LAMC3: variants seen among roughly 807,000 people sequenced by gnomAD.
LAMC3 encodes the protein laminin subunit gamma 3.
In LAMC3, 128 loss-of-function variants were observed where a neutral mutation model predicts 173.8. The ratio of observed to expected loss-of-function variants is 0.74; its 90% confidence interval spans 0.64 to 0.85. LAMC3 has a LOEUF of 0.85. Ranked by LOEUF, LAMC3 falls within the 40% of genes least tolerant of loss-of-function variation. LAMC3 has a pLI of 0.00. For missense variants in LAMC3, 2,022 were observed against 2,156.0 expected (o/e 0.94, Z 1.23); for synonymous variants, 897 against 909.1 (o/e 0.99, Z 0.24).
chr9:131,041,680 C>T lies in LAMC3; in HGVS notation c.1327C>T (p.Pro443Ser). Residue 443 changes from proline (P) to serine (S), a missense_variant, in exon 7 of 28, where the codon CCC (proline) becomes TCC (serine). Physicochemically the swap from Pro to Ser is moderately conservative, Grantham distance 74. Transcript: ENST00000361069. ...NPAGSLDTCD[P>S]RSGRCPCKEN... is the part of the protein sequence containing the mutation. ...CGCTGGCAGCCTGGACACCTGTGAC[C>T]CCCGCAGTGGGCGCTGCCCCTGCAA... 2 of 1,614,132 alleles carry T rather than the reference C, an allele frequency of 1.2e-6. No homozygotes were observed. Among genetic ancestry groups the T allele is most frequent in the East Asian group, 2.2e-5 (1 of 44,878 alleles).
Position 131,032,180 on chromosome 9 carries a change from G to C in LAMC3, c.809+5G>C, listed in dbSNP as rs1479007651. On this transcript the variant is annotated splice_donor_5th_base_variant and intron_variant, in intron 3 of 27. Transcript: ENST00000361069. ...CGACTTCTCTGTGGGCGGCAGGTAG[G>C]AGGGAGGAGGGAGGCAGGGTGGCAG... 6.3e-7 allele frequency: 1 copy of C among 1,586,980 alleles called. No individual in the cohort carries two copies. Among genetic ancestry groups the C allele is most frequent in the Non-Finnish European group, 8.6e-7 (1 of 1,162,314 alleles).
rs543217890 is a variant in LAMC3 at position 131,048,802 on chromosome 9, G to T, written c.1520-218G>T. 5.3e-5 allele frequency among the ~76,000 whole-genome samples: 8 copies of T among 152,254 alleles called. No individual in the cohort carries two copies. The East Asian group carries it at 1.6e-3, about 30-fold the overall frequency. ...CTGATGTCCCAGGGCCCCCATGTGGGGGTCTTCAGGCTGTCTTCATGCTGA... is the reference window on the plus strand; with the variant it reads ...CTGATGTCCCAGGGCCCCCATGTGGTGGTCTTCAGGCTGTCTTCATGCTGA... On this transcript the variant is annotated intron_variant, in intron 8 of 27. Transcript: ENST00000361069.
intron 1 of LAMC3, among the ~76,000 whole-genome samples, chr9:131,024,993 A>G (rs1286624152): frequency 6.6e-6 from 1 of 151,986 alleles, no homozygotes. Flanking sequence ...TAAACATAGG[A>G]GGATGGGGAG....
Position 131,054,930 on chromosome 9 carries a change from AG to A in LAMC3, c.1939+1967del, listed in dbSNP as rs1834373693. On this transcript the variant is annotated intron_variant, in intron 11 of 27. Coordinates refer to ENST00000361069, the MANE Select transcript of LAMC3 (RefSeq NM_006059.4). ...TTTGTCAGCTAACAGTGCGTCGTGGAGGTTGTTCCTTGTCATTACGCGTAGA... is the reference window on the plus strand; with the variant it reads ...TTTGTCAGCTAACAGTGCGTCGTGGAGTTGTTCCTTGTCATTACGCGTAGA... Among the ~76,000 whole-genome samples, 3 of 152,118 alleles carry A rather than the reference AG, an allele frequency of 2.0e-5. No homozygotes were observed. The South Asian group carries it at 6.2e-4, about 32-fold the overall frequency.
chr9:131,041,487 G>T, intron 6 of LAMC3, 150 bp from the exon 7 acceptor site: 1 of 717,998 alleles, frequency 1.4e-6, no homozygotes, highest in Non-Finnish European at 2.5e-6. Flanking sequence ...TCACTTCCTT[G>T]GCAAGATGGG....
intron 7 of LAMC3, among the ~76,000 whole-genome samples, chr9:131,045,246 C>CAACA (rs1554786056): frequency 4.2e-5 from 6 of 144,534 alleles, no homozygotes; most frequent in African/African-American, 1.3e-4. Context: ...ACAACAACAA[C>CAACA]AAAAAAACAA....
At chr9:131,014,583 G>A (rs1833486145) in intron 1 of LAMC3, among the ~76,000 whole-genome samples, 1 of 152,240 alleles carries the variant, frequency 6.6e-6, no homozygotes, top group Admixed American at 6.5e-5. Context: ...GGGAATGCCT[G>A]TTTTCACACC....
chr9:131,072,214 G>A (rs1830048200), intron 18 of LAMC3, among the ~76,000 whole-genome samples: 1 of 152,174 alleles, frequency 6.6e-6, no homozygotes, highest in Non-Finnish European at 1.5e-5. Context: ...ATGTGTAAGT[G>A]CTACACTCCT....
At chr9:131,069,088 T>G (rs1588162411) in intron 16 of LAMC3, 38 bp downstream of exon 16, 1 of 1,610,632 alleles carries the variant, frequency 6.2e-7, no homozygotes, top group Non-Finnish European at 8.5e-7. Context: ...GCCCTGAGGG[T>G]GGGGCCCGAG....
At chr9:131,053,055 C>A in intron 11 of LAMC3, 90 bp downstream of exon 11, 1 of 986,436 alleles carries the variant, frequency 1.0e-6, no homozygotes, top group Non-Finnish European at 1.6e-6. Context: ...CTTGTCAGGG[C>A]CTTGCGGCCG....
In LAMC3 at chr9:131,065,709, G is replaced by T. The variant is rs528382476; in HGVS notation, c.2348-1251G>T. ...TGTGACCCGTGTCTGGCCACTGCCT[G>T]CACTGGCTACACACCACCACACGTG... On this transcript the variant is annotated intron_variant, in intron 13 of 27. Coordinates refer to ENST00000361069, the MANE Select transcript of LAMC3 (RefSeq NM_006059.4). Among the ~76,000 whole-genome samples, 74 of 152,330 alleles carry T rather than the reference G, an allele frequency of 4.9e-4. No individual in the cohort carries two copies. The Middle Eastern group carries it at 0.01, about 21-fold the overall frequency.
intron 8 of LAMC3, among the ~76,000 whole-genome samples, chr9:131,048,725 G>A (rs1347428163): frequency 1.3e-5 from 2 of 152,192 alleles, no homozygotes; most frequent in Non-Finnish European, 2.9e-5. Flanking sequence ...AGGTGAGAAA[G>A]TTCTCTGAGA....
chr9:131,044,158 C>T lies in LAMC3; in HGVS notation c.1383-1366C>T, dbSNP rs143221712. On this transcript the variant is annotated intron_variant, in intron 7 of 27. Transcript: ENST00000361069. ...ATTTTTAGTAGAGATGGGGTTTCAC[C>T]ATGTTGGTCAGGCTGATCTCGAACT... Among the ~76,000 whole-genome samples the T allele has an allele frequency of 3.9e-3, 594 of 151,760 alleles. 4 individuals carry two copies. Among genetic ancestry groups the T allele is most frequent in the African/African-American group, 0.013 (551 of 41,434 alleles).
intron 1 of LAMC3, among the ~76,000 whole-genome samples, chr9:131,015,468 T>C (rs1213731932): frequency 6.6e-6 from 1 of 152,074 alleles, no homozygotes; most frequent in Non-Finnish European, 1.5e-5. Context: ...TGCCCTGGCT[T>C]TGCTTATTTG....
rs1554786016 is a variant in LAMC3, at chr9:131,045,234, A to AACAAC, written c.1383-289_1383-288insCAACA. On this transcript the variant is annotated intron_variant, in intron 7 of 27. Coordinates refer to ENST00000361069, the MANE Select transcript of LAMC3 (RefSeq NM_006059.4). Reference sequence around the variant, plus strand: ...AAGACTCTGTCTCAAAAAAAAAAAAAAACAACAACAACAAAAAAACAAAAC... The same window carrying AACAAC: ...AAGACTCTGTCTCAAAAAAAAAAAAAACAACAACAACAACAACAAAAAAACAAAAC... Among the ~76,000 whole-genome samples, 570 of 90,414 alleles carry AACAAC rather than the reference A, an allele frequency of 6.3e-3. 4 individuals are homozygous for AACAAC. The highest frequency in any genetic ancestry group is 0.019 in the African/African-American group (524 of 27,108). The allele number at this position is 90,414 out of a possible 152,430, so 59.3% of individuals were successfully genotyped here.
chr9:131,055,631 T>C (rs1008670768), intron 11 of LAMC3, among the ~76,000 whole-genome samples: 3 of 151,294 alleles, frequency 2.0e-5, no homozygotes, highest in Non-Finnish European at 4.4e-5. Context: ...TTCACCGTGT[T>C]AGCCAGGATG....
At chr9:131,054,310 A>T (rs1834356653) in intron 11 of LAMC3, among the ~76,000 whole-genome samples, 1 of 152,024 alleles carries the variant, frequency 6.6e-6, no homozygotes, top group South Asian at 2.1e-4. Flanking sequence ...GGGTGCTGGG[A>T]TGCCCTGGAG....
At chr9:131,068,348 C>T (rs1422200374) in intron 15 of LAMC3, 117 bp downstream of exon 15, 1 of 1,049,056 alleles carries the variant, frequency 9.5e-7, no homozygotes, top group African/African-American at 1.6e-5. Flanking sequence ...CACTGCCAGG[C>T]ACATTGTGCC....
At chr9:131,073,194 A>C in intron 19 of LAMC3, 51 bp from the exon 20 acceptor site, 2 of 1,369,600 alleles carry the variant, frequency 1.5e-6, no homozygotes, top group Non-Finnish European at 1.0e-6. Flanking sequence ...TGTGGCCCTT[A>C]CCCTTTGGCG....
Sources: allele counts gnomAD v4.1 joint callset (sites outside exome capture counted in the v4.1 genomes callset), GRCh38; gene constraint gnomAD v4.1.1; transcripts MANE v1.5; gene names NCBI Gene and HGNC (gene_info 2026-07-23, HGNC 2026-07-21).